NBEAL1: variants seen among roughly 807,000 people sequenced by gnomAD.
NBEAL1 encodes neurobeachin like 1.
NBEAL1 carries 273 observed loss-of-function variants against 351.3 expected under a neutral mutation model. The observed-to-expected ratio is 0.78, with a 90% CI of 0.70 to 0.86. NBEAL1 has a LOEUF of 0.86. NBEAL1 is among the 40% of genes least tolerant of loss of function. The pLI, the probability that NBEAL1 is intolerant of heterozygous loss-of-function variation, is 0.00. For synonymous variants in NBEAL1, 1,050 were observed against 1,086.4 expected, an observed-to-expected ratio of 0.97 and a Z score of 0.66; for missense variants, 2,961 against 3,201.3, an observed-to-expected ratio of 0.92 and a Z score of 1.81.
At chr2:203,146,526 C>T (rs1040705954) in intron 33 of NBEAL1, among the ~76,000 whole-genome samples, 7 of 152,122 alleles carry the variant, frequency 4.6e-5, no homozygotes, top group East Asian at 1.9e-4. Context: ...AGCACAGAGG[C>T]TTATGCCTGT....
intron 2 of NBEAL1, among the ~76,000 whole-genome samples, chr2:203,017,085 A>C (rs944372108): frequency 2.0e-5 from 3 of 152,192 alleles, no homozygotes; most frequent in Non-Finnish European, 4.4e-5. Flanking sequence ...CTCAGAAATA[A>C]TGTTCTTTCC....
intron 12 of NBEAL1, among the ~76,000 whole-genome samples, chr2:203,106,289 G>A (rs1031616976): frequency 6.6e-6 from 1 of 152,192 alleles, no homozygotes; most frequent in African/African-American, 2.4e-5. Context: ...GGTACCAGAA[G>A]TGAATTAATT....
rs779550950 is a variant in NBEAL1, at chr2:203,193,926, G to T, written c.7038+15G>T. ...TTTTTATAGAGGTAATATCCTACTTGGTAATATCAAAAAGAGTTTTCTCTA... is the reference window on the plus strand; with the variant it reads ...TTTTTATAGAGGTAATATCCTACTTTGTAATATCAAAAAGAGTTTTCTCTA... On this transcript the variant is annotated intron_variant, in intron 47 of 55. Transcript: ENST00000683969. 7 of 1,406,904 alleles carry T rather than the reference G, an allele frequency of 5.0e-6. No individual in the cohort carries two copies. 87.2% of individuals were successfully genotyped at this position (1,406,904 alleles called of 1,614,324 possible).
intron 6 of NBEAL1, among the ~76,000 whole-genome samples, chr2:203,063,861 G>C (rs2061538889): frequency 6.6e-6 from 1 of 152,110 alleles, no homozygotes; most frequent in Admixed American, 6.5e-5. Flanking sequence ...AGATAGATAA[G>C]GGAGAAGTGA....
chr2:203,166,095 T>A, intron 36 of NBEAL1, 54 bp from the exon 37 acceptor site: 1 of 1,441,712 alleles, frequency 6.9e-7, no homozygotes, highest in Non-Finnish European at 9.3e-7. Flanking sequence ...TCTTTTCTAT[T>A]TAAGAAAAAT....
chr2:203,102,215 A>T (rs2062341889), intron 12 of NBEAL1, among the ~76,000 whole-genome samples: 1 of 152,202 alleles, frequency 6.6e-6, no homozygotes, highest in South Asian at 2.1e-4. Flanking sequence ...TTAGGCAGAG[A>T]CTATGGGGTT....
At position 203,157,833 on chromosome 2, in the gene NBEAL1, TA is replaced by T; in HGVS notation, c.5714+11del. 1 of 1,505,602 alleles carries T rather than the reference TA, an allele frequency of 6.6e-7. No individual in the cohort carries two copies. Among genetic ancestry groups the T allele is most frequent in the East Asian group, 2.4e-5 (1 of 41,188 alleles). 93.3% of individuals were successfully genotyped at this position (1,505,602 alleles called of 1,614,324 possible). On this transcript the variant is annotated intron_variant, in intron 36 of 55. Coordinates refer to ENST00000683969, the MANE Select transcript of NBEAL1 (RefSeq NM_001378026.1). ...AACAGCTAGAGTAAATGTGTATGTA[TA>T]AATATTTAAAATTATTTTGTTCTGA...
rs576108044 is a variant in NBEAL1, at chr2:203,143,931, G to A, written c.4849-669G>A. 2.6e-3 allele frequency among the ~76,000 whole-genome samples: 394 copies of A among 152,112 alleles called. 3 individuals are homozygous for A. Among genetic ancestry groups the A allele is most frequent in the African/African-American group, 8.1e-3 (338 of 41,494 alleles). ...GGTATAAAAGATTTGGGTTCCCTTT[G>A]CTGGACACGGTGGCTCACACCTGTA... On this transcript the variant is annotated intron_variant, in intron 31 of 55. Coordinates refer to ENST00000683969, the MANE Select transcript of NBEAL1 (RefSeq NM_001378026.1).
At chr2:203,198,200 A>T (rs2065292332) in intron 48 of NBEAL1, among the ~76,000 whole-genome samples, 1 of 151,402 alleles carries the variant, frequency 6.6e-6, no homozygotes, top group Non-Finnish European at 1.5e-5. Flanking sequence ...TTTTGTAGAG[A>T]TCAGGTTTTG....
intron 4 of NBEAL1, chr2:203,052,505 C>T (rs571646985): frequency 6.6e-6 from 1 of 152,324 alleles, no homozygotes; most frequent in South Asian, 2.1e-4. Context: ...CCTTTTCAGA[C>T]TGGCTTCCTT....
intron 2 of NBEAL1, chr2:203,040,708 G>C: frequency 1.6e-6 from 1 of 617,668 alleles, no homozygotes; most frequent in South Asian, 1.4e-5. Flanking sequence ...GTATTTCCAG[G>C]AGATCTCATA....
rs1221312529 is a variant in NBEAL1 at position 203,157,701 on chromosome 2, A to T, written c.5590A>T (p.Ile1864Phe). The T allele has an allele frequency of 6.3e-7, 1 of 1,581,492 alleles. No individual in the cohort carries two copies. The highest frequency in any genetic ancestry group is 8.6e-7 in the Non-Finnish European group (1 of 1,168,540). ...TAGATATTTTGTGTTTAAAACAGGT[A>T]TCCAACACTCACAGCCTTCCAGTGA... is the stretch of plus-strand genomic sequence containing the variant. Reference protein sequence around the residue: ...EASALRDNLGIQHSQPSSDTL... With the variant: ...EASALRDNLGFQHSQPSSDTL... The change falls in exon 36 of 56, where the codon ATC becomes TTC. Residue 1864 changes from isoleucine to phenylalanine, a missense_variant and splice_region_variant. Coordinates refer to ENST00000683969, the MANE Select transcript of NBEAL1 (RefSeq NM_001378026.1).
chr2:203,192,708 T>C (rs1349896791), intron 46 of NBEAL1, among the ~76,000 whole-genome samples: 3 of 152,164 alleles, frequency 2.0e-5, no homozygotes, highest in African/African-American at 7.2e-5. Context: ...ATTTTAGTAC[T>C]TACAGCTTTC....
At chr2:203,040,351 C>A in intron 2 of NBEAL1, 1 of 713,628 alleles carries the variant, frequency 1.4e-6, no homozygotes, top group Non-Finnish European at 2.5e-6. Flanking sequence ...CTTGGAATTG[C>A]CAGATAAACA....
At chr2:203,050,518 A>G (rs1387504239) in intron 4 of NBEAL1, among the ~76,000 whole-genome samples, 1 of 152,204 alleles carries the variant, frequency 6.6e-6, no homozygotes, top group Non-Finnish European at 1.5e-5. Flanking sequence ...AGTATTTTTC[A>G]TATGGTTCTC....
chr2:203,035,829 T>C (rs1270153412), intron 2 of NBEAL1, among the ~76,000 whole-genome samples: 1 of 149,264 alleles, frequency 6.7e-6, no homozygotes, highest in Non-Finnish European at 1.5e-5. Context: ...CATTACTGTT[T>C]TGTGGGAGTT....
intron 55 of NBEAL1, among the ~76,000 whole-genome samples, chr2:203,214,474 A>AT (rs930335721): frequency 6.6e-6 from 1 of 152,218 alleles, no homozygotes; most frequent in African/African-American, 2.4e-5. Context: ...AAAAAGTGTC[A>AT]TTAAATTAAT....
intron 34 of NBEAL1, among the ~76,000 whole-genome samples, 156 bp from the exon 35 acceptor site, chr2:203,151,309 G>A (rs2063646109): frequency 6.6e-6 from 1 of 152,084 alleles, no homozygotes; most frequent in South Asian, 2.1e-4. Flanking sequence ...TCCAGCCTGG[G>A]TAACAGAATG....
intron 3 of NBEAL1, among the ~76,000 whole-genome samples, chr2:203,046,278 C>T (rs1158210941): frequency 4.6e-5 from 7 of 151,878 alleles, no homozygotes; most frequent in East Asian, 1.9e-4. Context: ...TGCAGTGGCC[C>T]GATCTTGGCT....
Sources: allele counts gnomAD v4.1 joint callset (sites outside exome capture counted in the v4.1 genomes callset), GRCh38; gene constraint gnomAD v4.1.1; transcripts MANE v1.5; gene names NCBI Gene and HGNC (gene_info 2026-07-23, HGNC 2026-07-21).